The following TXLNG variants were observed in gnomAD, a reference collection of about 807,000 sequenced individuals.
TXLNG encodes gamma-taxilin.
TXLNG carries 5 observed loss-of-function variants against 38.8 expected under a neutral mutation model. That is an observed-to-expected ratio of 0.13 (90% CI 0.07 to 0.27). TXLNG has a LOEUF of 0.27. Ranked by LOEUF, TXLNG falls within the 10% of genes least tolerant of loss-of-function variation. The pLI, the probability that TXLNG is intolerant of heterozygous loss-of-function variation, is 1.00. For missense variants in TXLNG, 393 were observed against 398.2 expected, an observed-to-expected ratio of 0.99 and a Z score of 0.11; for synonymous variants, 182 against 158.2, an observed-to-expected ratio of 1.15 and a Z score of -1.13.
intron 1 of TXLNG, among the ~76,000 whole-genome samples, chrX:16,798,237 C>T (rs1420319230): frequency 8.9e-6 from 1 of 112,340 alleles, no homozygotes; most frequent in Non-Finnish European, 1.9e-5. Context: ...ATAAAAATTA[C>T]ATTTGTTCAT....
In TXLNG at chrX:16,841,920, C is replaced by A; in HGVS notation, c.*154C>A. The A allele has an allele frequency of 3.3e-6, 2 of 612,135 alleles. No individual in the cohort carries two copies. Among genetic ancestry groups the A allele is most frequent in the Non-Finnish European group, 5.0e-6 (2 of 402,380 alleles). The allele number at this position is 612,135 out of a possible 1,213,427, so 50.4% of individuals were successfully genotyped here. On this transcript the variant is annotated 3_prime_UTR_variant, in exon 10 of 10. Coordinates refer to ENST00000380122, the MANE Select transcript of TXLNG (RefSeq NM_018360.3). The stretch of plus-strand genomic sequence containing the variant: ...TGGACTTATGTGGTACAGGAGGCTG[C>A]TTAGCAGTTTTGAATAGTTTAATCT...
At chrX:16,837,568 A>C in intron 7 of TXLNG, 25 bp from the exon 8 acceptor site, 1 of 1,113,441 alleles carries the variant, frequency 9.0e-7, no homozygotes, top group Non-Finnish European at 1.2e-6. Context: ...GGAACTCAGA[A>C]TGTTTCATAC....
chrX:16,836,843 G>GA (rs1929611688), intron 7 of TXLNG, among the ~76,000 whole-genome samples: 1 of 111,373 alleles, frequency 9.0e-6, no homozygotes, highest in Non-Finnish European at 1.9e-5. Context: ...GATTATGTTG[G>GA]ATAGTCTCTG....
chrX:16,820,756 T>C (rs1463831942), intron 3 of TXLNG, among the ~76,000 whole-genome samples: 1 of 112,297 alleles, frequency 8.9e-6, no homozygotes, highest in Admixed American at 9.4e-5. Flanking sequence ...AAAGAGTTTG[T>C]TCTCAGCTAT....
rs142273724 is a variant in TXLNG at position 16,814,540 on chromosome X, G to A, written c.103-4034G>A. 8.1e-3 allele frequency among the ~76,000 whole-genome samples: 903 copies of A among 111,968 alleles called. 8 individuals carry two copies. The highest frequency in any genetic ancestry group is 0.028 in the African/African-American group (850 of 30,826). ...TGAGGCAGGAGAATCGCTTGAACCC[G>A]GGAGGCGGAGGTTGCAGTGAGCGGA... On this transcript the variant is annotated intron_variant, in intron 1 of 9. Coordinates refer to ENST00000380122, the MANE Select transcript of TXLNG (RefSeq NM_018360.3).
At chrX:16,789,446 AT>A (rs199918036) in intron 1 of TXLNG, among the ~76,000 whole-genome samples, 1,128 of 110,299 alleles carry the variant, frequency 0.01, 13 homozygotes, top group African/African-American at 0.036. Flanking sequence ...TAAAATTAAA[AT>A]TAAAAATTTT....
At chrX:16,836,554 C>T (rs1468935531) in intron 7 of TXLNG, among the ~76,000 whole-genome samples, 1 of 112,158 alleles carries the variant, frequency 8.9e-6, no homozygotes, top group Non-Finnish European at 1.9e-5. Context: ...TTGGCTTCTG[C>T]GTCCACCACA....
rs548776191 is a variant in TXLNG at position 16,830,090 on chromosome X, T to C, written c.864+320T>C. ...ATCCAGACTAATAGTGAATAAATAT[T>C]TGGGCCCCAAATACCCTGTATCTCA... On this transcript the variant is annotated intron_variant, in intron 5 of 9. Transcript: ENST00000380122. Among the ~76,000 whole-genome samples, 6 of 111,277 alleles carry C rather than the reference T, an allele frequency of 5.4e-5. No individual in the cohort carries two copies. In the South Asian group the frequency reaches 1.9e-3, roughly 35 times the overall value.
intron 3 of TXLNG, among the ~76,000 whole-genome samples, chrX:16,821,973 A>G (rs1003537014): frequency 1.9e-5 from 2 of 105,929 alleles, no homozygotes; most frequent in Non-Finnish European, 3.9e-5. Flanking sequence ...CAGCCTGGGC[A>G]ACGGAGCGAG....
At chrX:16,795,138 G>A (rs995739571) in intron 1 of TXLNG, among the ~76,000 whole-genome samples, 4 of 109,857 alleles carry the variant, frequency 3.6e-5, no homozygotes, top group African/African-American at 9.9e-5. Flanking sequence ...TTAGCCAGGC[G>A]TGGTGGTGGG....
At chrX:16,837,772 T>G (rs1929646519) in intron 8 of TXLNG, 87 bp downstream of exon 8, 1 of 695,825 alleles carries the variant, frequency 1.4e-6, no homozygotes, top group South Asian at 3.6e-5. Flanking sequence ...CTGAGTTTCC[T>G]TTGTTATGAT....
At chrX:16,824,796 C>T (rs1929110877) in intron 3 of TXLNG, among the ~76,000 whole-genome samples, 1 of 109,049 alleles carries the variant, frequency 9.2e-6, no homozygotes, top group East Asian at 2.9e-4. Context: ...ATGGTGTTTG[C>T]GCGCCTGTAG....
chrX:16,834,962 G>A (rs1929539338), intron 7 of TXLNG, among the ~76,000 whole-genome samples: 1 of 109,006 alleles, frequency 9.2e-6, no homozygotes, highest in Admixed American at 9.9e-5. Context: ...CGCTTGTGCT[G>A]GTGTTTTTCA....
intron 9 of TXLNG, 108 bp from the exon 10 acceptor site, chrX:16,841,320 G>A (rs1369857661): frequency 1.2e-5 from 8 of 656,748 alleles, no homozygotes; most frequent in Non-Finnish European, 4.6e-6. Flanking sequence ...TGAAGAGACG[G>A]AACATGTTCC....
At position 16,786,538 on chromosome X, in the gene TXLNG, A is replaced by G. The variant is rs763931883; in HGVS notation, c.51A>G (p.Glu17=). 1,604 of 1,101,424 alleles carry G rather than the reference A, an allele frequency of 1.5e-3. 15 individuals are homozygous for G. In the African/African-American group the frequency reaches 0.027, roughly 19 times the overall value. The allele number at this position is 1,101,424 out of a possible 1,213,427, so 90.8% of individuals were successfully genotyped here. Residue 17 remains glutamate (E), a synonymous_variant, in exon 1 of 10, where the codon GAA becomes GAG. Transcript: ENST00000380122. ...CGCGGGGAAGAGGCGGCGGCGCCGAAGAGGCGACTGAGGCCGGACGGGGCG... is the reference window on the plus strand; with the variant it reads ...CGCGGGGAAGAGGCGGCGGCGCCGAGGAGGCGACTGAGGCCGGACGGGGCG... ...EAARGRGGGA[E]EATEAGRGGR...
chrX:16,820,152 G>T lies in TXLNG; in HGVS notation c.407-12G>T. 8.4e-7 allele frequency: 1 copy of T among 1,184,872 alleles called. No homozygotes were observed. Among genetic ancestry groups the T allele is most frequent in the Non-Finnish European group, 1.1e-6 (1 of 876,852 alleles). The stretch of plus-strand genomic sequence containing the variant: ...TCTTCTGGGACTTATTTCTTTTCTT[G>T]TTAACCATCAGGAAAAGAAGTTTTA... On this transcript the variant is annotated splice_polypyrimidine_tract_variant and intron_variant, in intron 2 of 9. Transcript: ENST00000380122.
rs1247928352 is a variant in TXLNG, at chrX:16,818,759, G to T, written c.288G>T (p.Val96=). The T allele has an allele frequency of 1.6e-6, 2 of 1,212,158 alleles. No homozygotes were observed. The highest frequency in any genetic ancestry group is 1.8e-5 in the South Asian group (1 of 57,018). The change falls in exon 2 of 10, where the codon GTG becomes GTT. Residue 96 remains valine, a synonymous_variant. Transcript: ENST00000380122. ...SDFITENRNL[V]SPAYCTQESR... is the part of the protein sequence containing the mutation. Reference sequence around the variant, plus strand: ...TTATAACAGAGAACAGGAATTTGGTGAGCCCAGCATACTGCACGCAAGAAT... The same window carrying T: ...TTATAACAGAGAACAGGAATTTGGTTAGCCCAGCATACTGCACGCAAGAAT...
At chrX:16,788,713 G>T (rs1341490000) in intron 1 of TXLNG, among the ~76,000 whole-genome samples, 1 of 96,283 alleles carries the variant, frequency 1.0e-5, no homozygotes, top group Non-Finnish European at 2.0e-5. Context: ...TGTTACCCAG[G>T]CTGCAGTGCA....
intron 3 of TXLNG, among the ~76,000 whole-genome samples, chrX:16,823,824 G>A (rs1246431665): frequency 1.8e-5 from 2 of 111,570 alleles, no homozygotes; most frequent in African/African-American, 6.5e-5. Context: ...TTCCCATCCT[G>A]TAGTCAGTTT....
Sources: gnomAD v4.1 joint callset for allele counts (sites outside exome capture counted in the v4.1 genomes callset) on GRCh38, gnomAD v4.1.1 for gene constraint, MANE v1.5 for transcripts, NCBI Gene and HGNC (gene_info 2026-07-23, HGNC 2026-07-21) for gene names.